The following FHIT variants were observed in gnomAD, a reference collection of about 807,000 sequenced individuals.
FHIT encodes the protein bis(5'-adenosyl)-triphosphatase.
FHIT carries 19 observed loss-of-function variants against 17.9 expected under a neutral mutation model. That is an observed-to-expected ratio of 1.06 (90% CI 0.74 to 1.56). The LOEUF is 1.56. FHIT is among the 40% of genes most tolerant of loss of function. FHIT has a pLI of 0.00. For missense variants in FHIT, 248 were observed against 189.2 expected (o/e 1.31, Z -1.82); for synonymous variants, 81 against 69.7 (o/e 1.16, Z -0.81).
At chr3:60,859,823 C>A (rs1703561905) in intron 3 of FHIT, among the ~76,000 whole-genome samples, 1 of 125,012 alleles carries the variant, frequency 8.0e-6, no homozygotes, top group South Asian at 2.6e-4. Context: ...GTGGGTGGAT[C>A]ACTTGAGGTC....
intron 5 of FHIT, among the ~76,000 whole-genome samples, chr3:60,112,322 T>TA (rs1488347987): frequency 6.6e-6 from 1 of 152,110 alleles, no homozygotes; most frequent in East Asian, 1.9e-4. Flanking sequence ...GGAGCCATAG[T>TA]AAAATCAAGA....
At chr3:60,251,840 T>C (rs966961027) in intron 5 of FHIT, among the ~76,000 whole-genome samples, 3 of 152,192 alleles carry the variant, frequency 2.0e-5, no homozygotes, top group Non-Finnish European at 2.9e-5. Flanking sequence ...GTGCAAGACA[T>C]GACAAACACA....
At chr3:60,058,071 G>A (rs560242009) in intron 5 of FHIT, among the ~76,000 whole-genome samples, 3 of 151,676 alleles carry the variant, frequency 2.0e-5, no homozygotes, top group Non-Finnish European at 2.9e-5. Context: ...CCAGGGGCTG[G>A]GGGAGGGAGA....
At chr3:60,201,833 T>G (rs1361295607) in intron 5 of FHIT, among the ~76,000 whole-genome samples, 1 of 122,196 alleles carries the variant, frequency 8.2e-6, no homozygotes. Flanking sequence ...TAAACTTCTT[T>G]TGGAGTCTCA....
chr3:60,365,854 C>T (rs1039313221), intron 5 of FHIT, among the ~76,000 whole-genome samples: 2 of 152,138 alleles, frequency 1.3e-5, no homozygotes, highest in Non-Finnish European at 1.5e-5. Context: ...TTCTTCCTCT[C>T]ATGAAAATAC....
intron 5 of FHIT, among the ~76,000 whole-genome samples, chr3:60,317,995 T>C (rs1359641929): frequency 2.0e-5 from 3 of 152,152 alleles, no homozygotes; most frequent in African/African-American, 7.2e-5. Flanking sequence ...TTTTGCCATG[T>C]TGGCCAGGCT....
intron 5 of FHIT, among the ~76,000 whole-genome samples, chr3:60,405,933 A>T (rs1354880305): frequency 6.6e-6 from 1 of 152,218 alleles, no homozygotes; most frequent in Non-Finnish European, 1.5e-5. Flanking sequence ...AATCATGGCA[A>T]CAATAATCAA....
intron 5 of FHIT, among the ~76,000 whole-genome samples, chr3:60,382,099 A>C (rs1214040375): frequency 6.6e-6 from 1 of 152,216 alleles, no homozygotes; most frequent in Non-Finnish European, 1.5e-5. Context: ...AACATTTTCT[A>C]ACTTACCACC....
chr3:60,653,162 G>C (rs1426454926), intron 4 of FHIT, among the ~76,000 whole-genome samples: 1 of 152,114 alleles, frequency 6.6e-6, no homozygotes, highest in Non-Finnish European at 1.5e-5. Context: ...AAATGAGCAA[G>C]TAAAACAACA....
chr3:59,887,039 C>G (rs1037647912), intron 8 of FHIT, among the ~76,000 whole-genome samples: 4 of 152,036 alleles, frequency 2.6e-5, no homozygotes, highest in African/African-American at 9.7e-5. Flanking sequence ...CTTTGGCTGG[C>G]TGGTTGGCTA....
At chr3:60,358,122 TATC>T (rs1043480665) in intron 5 of FHIT, among the ~76,000 whole-genome samples, 3 of 152,206 alleles carry the variant, frequency 2.0e-5, no homozygotes, top group African/African-American at 7.2e-5. Context: ...CAATGCACCT[TATC>T]ATTCTTCAAG....
Position 60,399,078 on chromosome 3 carries a change from T to A in FHIT, c.103+137782A>T, listed in dbSNP as rs985651699. ...AATCAGTCTCTTTTAGAATAAAATGTGCTTTCTATCAGCTTTTTGGTCACT... is the reference window on the plus strand; with the variant it reads ...AATCAGTCTCTTTTAGAATAAAATGAGCTTTCTATCAGCTTTTTGGTCACT... On this transcript the variant is annotated intron_variant, in intron 5 of 9. Transcript: ENST00000492590. Among the ~76,000 whole-genome samples the A allele has an allele frequency of 1.4e-4, 21 of 152,188 alleles. 1 individual carries two copies. Among genetic ancestry groups the A allele is most frequent in the Middle Eastern group, 6.3e-3 (2 of 316 alleles).
At chr3:59,875,850 T>G (rs2106927197) in intron 8 of FHIT, among the ~76,000 whole-genome samples, 1 of 152,038 alleles carries the variant, frequency 6.6e-6, no homozygotes, top group South Asian at 2.1e-4. Flanking sequence ...CAGCCATGCG[T>G]CAGCCATGAG....
intron 7 of FHIT, among the ~76,000 whole-genome samples, chr3:59,993,973 A>G (rs1699397967): frequency 6.6e-6 from 1 of 152,082 alleles, no homozygotes; most frequent in African/African-American, 2.4e-5. Flanking sequence ...AGGCACTGTG[A>G]TAAGTCCCAT....
At chr3:60,416,868 C>G (rs775729218) in intron 5 of FHIT, among the ~76,000 whole-genome samples, 13 of 151,976 alleles carry the variant, frequency 8.6e-5, no homozygotes, top group Admixed American at 3.9e-4. Flanking sequence ...GGGAGGATCA[C>G]GAGGTCAGGA....
chr3:60,241,245 T>C (rs536583930), intron 5 of FHIT, among the ~76,000 whole-genome samples: 2 of 152,142 alleles, frequency 1.3e-5, no homozygotes, highest in African/African-American at 4.8e-5. Context: ...GAATTATCAT[T>C]CTTTATTAGA....
At chr3:60,119,275 G>A (rs1705136556) in intron 5 of FHIT, among the ~76,000 whole-genome samples, 1 of 151,914 alleles carries the variant, frequency 6.6e-6, no homozygotes, top group African/African-American at 2.4e-5. Context: ...GTTTCACCAT[G>A]TTGGCCAGGC....
intron 2 of FHIT, among the ~76,000 whole-genome samples, chr3:61,087,124 C>T (rs1251496564): frequency 2.0e-5 from 3 of 152,160 alleles, no homozygotes; most frequent in African/African-American, 7.2e-5. Flanking sequence ...TTCAAAGAGG[C>T]CTTCTCAAGA....
intron 5 of FHIT, among the ~76,000 whole-genome samples, chr3:60,236,448 T>G (rs773503124): frequency 1.3e-5 from 2 of 152,006 alleles, no homozygotes; most frequent in Admixed American, 6.6e-5. Context: ...ACTACTACCC[T>G]TCCATTCTAT....
Sources: allele counts gnomAD v4.1 joint callset (sites outside exome capture counted in the v4.1 genomes callset), GRCh38; gene constraint gnomAD v4.1.1; transcripts MANE v1.5; gene names NCBI Gene and HGNC (gene_info 2026-07-23, HGNC 2026-07-21).